The following PLCXD1 variants were observed in gnomAD, a reference collection of about 807,000 sequenced individuals.
PLCXD1 encodes PI-PLC X domain-containing protein 1.
A neutral mutation model predicts 37.8 loss-of-function variants in PLCXD1; 45 were observed. The observed-to-expected ratio is 1.19, with a 90% CI of 0.94 to 1.53. The LOEUF (loss-of-function observed/expected upper bound fraction) is 1.53. Ranked by LOEUF, PLCXD1 falls within the 40% of genes most tolerant of loss-of-function variation. PLCXD1 has a pLI of 0.00. For synonymous variants in PLCXD1, 246 were observed against 206.9 expected (o/e 1.19, Z -1.62); for missense variants, 539 against 454.7 (o/e 1.19, Z -1.69).
At chrX:297,315 C>T (rs376094008) in intron 6 of PLCXD1, among the ~76,000 whole-genome samples, 68 of 15,670 alleles carry the variant, frequency 4.3e-3, no homozygotes, top group Non-Finnish European at 4.7e-3. Flanking sequence ...GGGACATTAT[C>T]CTGTCTATCA....
chrX:295,271 C>T (rs1483296718), intron 6 of PLCXD1, among the ~76,000 whole-genome samples: 5 of 152,102 alleles, frequency 3.3e-5, no homozygotes, highest in East Asian at 1.9e-4. Context: ...TCGGCAGCCA[C>T]GGCCCCGTGT....
intron 5 of PLCXD1, 23 bp from the exon 6 acceptor site, chrX:293,012 C>T (rs1323580937): frequency 6.3e-7 from 1 of 1,575,894 alleles, no homozygotes; most frequent in Middle Eastern, 2.3e-4. Flanking sequence ...TCCCCTGCAC[C>T]CCTTAACTCT....
chrX:295,561 G>C (rs1448207098), intron 6 of PLCXD1, among the ~76,000 whole-genome samples: 1 of 149,096 alleles, frequency 6.7e-6, no homozygotes, highest in African/African-American at 2.5e-5. Flanking sequence ...TCTCACTCTT[G>C]TTGCCCCGGT....
intron 6 of PLCXD1, among the ~76,000 whole-genome samples, chrX:296,900 G>A (rs1193635881): frequency 3.6e-5 from 5 of 138,612 alleles, no homozygotes; most frequent in African/African-American, 1.3e-4. Flanking sequence ...GGATTAGGAC[G>A]TGGACATCTT....
At chrX:276,684 C>T (rs182135470), upstream of PLCXD1, among the ~76,000 whole-genome samples, 11 of 152,240 alleles carry the variant, frequency 7.2e-5, no homozygotes, top group Admixed American at 5.9e-4. Flanking sequence ...CAGCCCAGGA[C>T]GGTTATGAAA....
In PLCXD1 at chrX:284,441, A is replaced by G; in HGVS notation, c.127+127A>G. 2.9e-6 allele frequency: 3 copies of G among 1,040,080 alleles called. No homozygotes were observed. In the Admixed American group the frequency reaches 6.6e-5, roughly 23 times the overall value. The allele number at this position is 1,040,080 out of a possible 1,614,324, so 64.4% of individuals were successfully genotyped here. ...TAGGAGCAATCCTGGGTGTAGGGAAATCCTAGAAAGCACACTGATGTGGAC... is the reference window on the plus strand; with the variant it reads ...TAGGAGCAATCCTGGGTGTAGGGAAGTCCTAGAAAGCACACTGATGTGGAC... On this transcript the variant is annotated intron_variant, in intron 2 of 6. Coordinates refer to ENST00000381657, the MANE Select transcript of PLCXD1 (RefSeq NM_018390.4).
chrX:300,460 ATATGTGTG>A lies in PLCXD1; in HGVS notation c.*1127_*1134del, dbSNP rs1312480330. On this transcript the variant is annotated 3_prime_UTR_variant, in exon 7 of 7. Transcript: ENST00000381657. ...TATGTATGTATGTTTATACATGTGT[ATATGTGTG>A]TGTGTGTGTGTATATGTGTGTATGT... 2 of 123,826 alleles carry A rather than the reference ATATGTGTG, an allele frequency of 1.6e-5. No individual in the cohort carries two copies. The highest frequency in any genetic ancestry group is 6.3e-5 in the African/African-American group (2 of 31,850). The allele number at this position is 123,826 out of a possible 1,614,324, so 7.7% of individuals were successfully genotyped here.
chrX:277,009 C>T (rs1272979835), upstream of PLCXD1, among the ~76,000 whole-genome samples: 5 of 152,196 alleles, frequency 3.3e-5, no homozygotes, highest in Non-Finnish European at 4.4e-5. Flanking sequence ...TGCGCTGTCC[C>T]GCCGCGACCG....
chrX:296,726 C>A (rs1161739141), intron 6 of PLCXD1, among the ~76,000 whole-genome samples: 2 of 152,180 alleles, frequency 1.3e-5, no homozygotes, highest in African/African-American at 2.4e-5. Context: ...AGCATTCTTC[C>A]TGTCTATCAC....
At chrX:285,629 A>G (rs913375542) in intron 2 of PLCXD1, among the ~76,000 whole-genome samples, 6 of 152,052 alleles carry the variant, frequency 3.9e-5, no homozygotes, top group African/African-American at 1.4e-4. Flanking sequence ...GCACACATGC[A>G]CATGCACACG....
At chrX:290,555 G>T in intron 3 of PLCXD1, 93 bp from the exon 4 acceptor site, 1 of 1,383,418 alleles carries the variant, frequency 7.2e-7, no homozygotes, top group South Asian at 1.2e-5. Context: ...GTGGGCAGCA[G>T]GACATGCGGG....
intron 2 of PLCXD1, 74 bp from the exon 3 acceptor site, chrX:288,659 G>T: frequency 6.6e-7 from 1 of 1,518,654 alleles, no homozygotes; most frequent in Non-Finnish European, 9.1e-7. Flanking sequence ...CTGTAGGCGG[G>T]CTGTGGAGCG....
chrX:282,930 T>C (rs1267109732), intron 1 of PLCXD1, among the ~76,000 whole-genome samples: 1 of 122,064 alleles, frequency 8.2e-6, no homozygotes, highest in Non-Finnish European at 1.6e-5. Flanking sequence ...GTTATACATG[T>C]ATGTTATATA....
At chrX:287,511 TTATATA>T (rs1053401474) in intron 2 of PLCXD1, among the ~76,000 whole-genome samples, 1 of 117,254 alleles carries the variant, frequency 8.5e-6, no homozygotes, top group East Asian at 2.1e-4. Context: ...CTATATATGT[TTATATA>T]TAGATATAGA....
intron 6 of PLCXD1, among the ~76,000 whole-genome samples, chrX:295,651 A>T (rs1412780966): frequency 1.0e-4 from 15 of 147,440 alleles, no homozygotes; most frequent in Non-Finnish European, 2.2e-4. Flanking sequence ...CAGCCTCCTG[A>T]GTAGCTGGGA....
chrX:295,773 C>T (rs866092162), intron 6 of PLCXD1, among the ~76,000 whole-genome samples: 11 of 151,812 alleles, frequency 7.2e-5, no homozygotes, highest in South Asian at 2.1e-4. Context: ...ATGATCTGCC[C>T]GTCTCAGTCT....
intron 3 of PLCXD1, 72 bp downstream of exon 3, chrX:288,941 A>G (rs1418712073): frequency 6.9e-7 from 1 of 1,457,530 alleles, no homozygotes; most frequent in Admixed American, 1.7e-5. Context: ...TGGTGCTGAA[A>G]TGGCCCCTCA....
At position 299,454 on chromosome X, in the gene PLCXD1, A is replaced by C; in HGVS notation, c.*119A>C. ...ATAGGACCGATGATAATACGTTTTC[A>C]TTTTCTTTAAAATAGAGATGGGGTG... is the stretch of plus-strand genomic sequence containing the variant. On this transcript the variant is annotated 3_prime_UTR_variant, in exon 7 of 7. Transcript: ENST00000381657. 1.2e-6 allele frequency: 1 copy of C among 801,534 alleles called. No homozygotes were observed. Among genetic ancestry groups the C allele is most frequent in the Non-Finnish European group, 2.1e-6 (1 of 472,284 alleles). The allele number at this position is 801,534 out of a possible 1,614,324, so 49.7% of individuals were successfully genotyped here.
rs1421319961 is a variant in PLCXD1, at chrX:301,798, G to GT, written c.*2464dup. 6.6e-6 allele frequency: 1 copy of GT among 152,038 alleles called. No individual in the cohort carries two copies. The highest frequency in any genetic ancestry group is 2.4e-5 in the African/African-American group (1 of 41,386). 9.4% of individuals were successfully genotyped at this position (152,038 alleles called of 1,614,324 possible). A position where few individuals can be genotyped will look rare whatever the true frequency, so the allele number is the denominator to read the frequency against. ...CCGCCACCGCGCCTGGCTAACTTTT[G>GT]TATTTTTAGCAGAGATGGGGTTTCA... On this transcript the variant is annotated 3_prime_UTR_variant, in exon 7 of 7. Coordinates refer to ENST00000381657, the MANE Select transcript of PLCXD1 (RefSeq NM_018390.4).
Sources: allele counts gnomAD v4.1 joint callset (sites outside exome capture counted in the v4.1 genomes callset), GRCh38; gene constraint gnomAD v4.1.1; transcripts MANE v1.5; gene names NCBI Gene and HGNC (gene_info 2026-07-23, HGNC 2026-07-21).